CAPSL: variants seen among roughly 807,000 people sequenced by gnomAD.
The protein encoded by CAPSL is calcyphosine like, also known as calcyphosin-like protein.
A neutral mutation model predicts 21.3 loss-of-function variants in CAPSL; 17 were observed. The ratio of observed to expected loss-of-function variants is 0.80; its 90% CI spans 0.55 to 1.20. CAPSL has a LOEUF of 1.20. Among genes scored for constraint, CAPSL ranks in the 50% most tolerant of loss-of-function variants. CAPSL has a pLI of 0.00. For missense variants in CAPSL, 289 were observed against 259.3 expected (o/e 1.11, Z -0.79); for synonymous variants, 102 against 89.3 (o/e 1.14, Z -0.80).
At chr5:35,906,873 A>G (rs577671293) in intron 4 of CAPSL, among the ~76,000 whole-genome samples, 10 of 152,188 alleles carry the variant, frequency 6.6e-5, no homozygotes, top group Non-Finnish European at 1.5e-4. Context: ...CTTGGAAGTC[A>G]GATGACGTCA....
intron 2 of CAPSL, among the ~76,000 whole-genome samples, chr5:35,912,723 C>A (rs2149919447): frequency 6.6e-6 from 1 of 152,286 alleles, no homozygotes; most frequent in Middle Eastern, 3.4e-3. Flanking sequence ...TCACCATCAT[C>A]AAAGACCAAA....
chr5:35,919,303 A>G (rs1328964476), intron 2 of CAPSL, among the ~76,000 whole-genome samples: 3 of 151,962 alleles, frequency 2.0e-5, no homozygotes, highest in Non-Finnish European at 2.9e-5. Flanking sequence ...CTGATAAATT[A>G]AGGATACTAG....
At chr5:35,908,471 C>A (rs892808856) in intron 4 of CAPSL, among the ~76,000 whole-genome samples, 5 of 152,158 alleles carry the variant, frequency 3.3e-5, no homozygotes, top group African/African-American at 1.2e-4. Flanking sequence ...AGCCGAATCA[C>A]AACTGGCTAT....
At chr5:35,919,276 A>G (rs3866450) in intron 2 of CAPSL, among the ~76,000 whole-genome samples, 63,934 of 151,018 alleles carry the variant, frequency 0.42, 14,778 homozygotes, top group East Asian at 0.74. Context: ...GTGCTAACTC[A>G]GGAGTAGCCA....
chr5:35,922,805 G>A (rs1195635913), intron 1 of CAPSL, among the ~76,000 whole-genome samples: 1 of 152,136 alleles, frequency 6.6e-6, no homozygotes, highest in Non-Finnish European at 1.5e-5. Flanking sequence ...AATTCCCAGA[G>A]CTCGTTCCCA....
chr5:35,909,807 T>G (rs776806698), intron 4 of CAPSL, 59 bp downstream of exon 4: 1 of 1,375,054 alleles, frequency 7.3e-7, no homozygotes. Flanking sequence ...TTTGGACCTA[T>G]TTCCCATTTA....
intron 2 of CAPSL, among the ~76,000 whole-genome samples, 190 bp downstream of exon 2, chr5:35,920,794 T>C (rs1738516265): frequency 6.6e-6 from 1 of 152,236 alleles, no homozygotes; most frequent in South Asian, 2.1e-4. Context: ...TTGCCGAATC[T>C]GGGACTAAGA....
At chr5:35,919,269 C>T (rs1738476327) in intron 2 of CAPSL, among the ~76,000 whole-genome samples, 1 of 150,924 alleles carries the variant, frequency 6.6e-6, no homozygotes, top group Non-Finnish European at 1.5e-5. Context: ...TACAGATGTG[C>T]TAACTCAGGA....
chr5:35,936,373 C>T (rs984448653), intron 1 of CAPSL, among the ~76,000 whole-genome samples: 11 of 152,158 alleles, frequency 7.2e-5, no homozygotes, highest in African/African-American at 2.7e-4. Context: ...CATGAATCCG[C>T]TGTGGTCCCT....
Position 35,921,104 on chromosome 5 carries a change from C to T in CAPSL, c.17G>A (p.Arg6His), listed in dbSNP as rs368551299. 1.2e-6 allele frequency: 2 copies of T among 1,613,904 alleles called. No homozygotes were observed. Among genetic ancestry groups the T allele is most frequent in the East Asian group, 2.2e-5 (1 of 44,864 alleles). The change falls in exon 2 of 5, where the codon CGC becomes CAC. Residue 6 changes from arginine (R) to histidine (H), a missense_variant. Transcript: ENST00000651391. The stretch of plus-strand genomic sequence containing the variant: ...CTGGATCGCCATCTCTCGGTCATGG[C>T]GCGCTGTCCCTGCCATCTGAGGGGA... Reference protein sequence around the residue: MAGTARHDREMAIQAK... With the variant: MAGTAHHDREMAIQAK...
intron 2 of CAPSL, among the ~76,000 whole-genome samples, chr5:35,917,419 A>ATGT (rs1367256692): frequency 6.6e-6 from 1 of 152,252 alleles, no homozygotes; most frequent in Non-Finnish European, 1.5e-5. Context: ...ATACACACGT[A>ATGT]TGTTTATTGT....
At chr5:35,912,874 G>T (rs939797418) in intron 2 of CAPSL, among the ~76,000 whole-genome samples, 1 of 152,176 alleles carries the variant, frequency 6.6e-6, no homozygotes, top group Non-Finnish European at 1.5e-5. Context: ...ACTTTAACAA[G>T]TTGACAGAAG....
intron 1 of CAPSL, among the ~76,000 whole-genome samples, chr5:35,927,544 C>A (rs1738717572): frequency 6.6e-6 from 1 of 152,188 alleles, no homozygotes; most frequent in Admixed American, 6.5e-5. Context: ...CATTTGCCTT[C>A]TTTTAAATTC....
At chr5:35,921,786 A>G (rs1403672223) in intron 1 of CAPSL, among the ~76,000 whole-genome samples, 1 of 152,078 alleles carries the variant, frequency 6.6e-6, no homozygotes, top group Admixed American at 6.5e-5. Context: ...CCTGGGTTAT[A>G]GTCCTGACTC....
intron 1 of CAPSL, among the ~76,000 whole-genome samples, chr5:35,937,035 CAGCT>C (rs1738966529): frequency 6.6e-6 from 1 of 152,184 alleles, no homozygotes; most frequent in South Asian, 2.1e-4. Context: ...ATCCAAATAG[CAGCT>C]AAGTCCTATA....
At chr5:35,910,577 T>G (rs774240756) in intron 2 of CAPSL, 34 bp from the exon 3 acceptor site, 1 of 1,483,682 alleles carries the variant, frequency 6.7e-7, no homozygotes, top group Non-Finnish European at 9.3e-7. Context: ...TCAGAAGAAA[T>G]GTACAAATAA....
intron 2 of CAPSL, among the ~76,000 whole-genome samples, chr5:35,917,138 G>A (rs1458736861): frequency 6.6e-6 from 1 of 152,230 alleles, no homozygotes; most frequent in Non-Finnish European, 1.5e-5. Context: ...CTGGCCATCA[G>A]AGAAATGCAA....
intron 1 of CAPSL, among the ~76,000 whole-genome samples, chr5:35,924,020 A>T (rs77719942): frequency 6.6e-6 from 1 of 151,062 alleles, no homozygotes; most frequent in African/African-American, 2.4e-5. Flanking sequence ...CTGTCAATTT[A>T]AAAAAAAAAT....
intron 2 of CAPSL, among the ~76,000 whole-genome samples, chr5:35,915,329 A>G (rs1429673665): frequency 6.6e-6 from 1 of 152,364 alleles, no homozygotes; most frequent in East Asian, 1.9e-4. Context: ...CAGTCAATAG[A>G]AAAAGAGGCA....
Sources: gnomAD v4.1 joint callset for allele counts (sites outside exome capture counted in the v4.1 genomes callset) on GRCh38, gnomAD v4.1.1 for gene constraint, MANE v1.5 for transcripts, NCBI Gene and HGNC (gene_info 2026-07-23, HGNC 2026-07-21) for gene names.